The following PHGDH variants were observed in gnomAD, a reference collection of about 807,000 sequenced individuals.
PHGDH encodes the protein D-3-phosphoglycerate dehydrogenase.
Under a neutral mutation model 52.6 loss-of-function variants are expected in PHGDH, and 50 were observed. The ratio of observed to expected loss-of-function variants is 0.95; its 90% CI spans 0.76 to 1.20. The LOEUF is 1.20. PHGDH is among the 50% of genes most tolerant of loss of function. The probability of loss-of-function intolerance (pLI) is 0.00; values close to 1 mark genes in which losing one functional copy is unlikely to be tolerated. For missense variants in PHGDH, 630 were observed against 684.6 expected (o/e 0.92, Z 0.89); for synonymous variants, 271 against 280.5 (o/e 0.97, Z 0.34).
chr1:119,725,439 CA>C (rs1651364065), intron 3 of PHGDH, among the ~76,000 whole-genome samples: 1 of 152,158 alleles, frequency 6.6e-6, no homozygotes, highest in Non-Finnish European at 1.5e-5. Flanking sequence ...CTCACTAGGT[CA>C]AAGGCATTTT....
intron 5 of PHGDH, among the ~76,000 whole-genome samples, chr1:119,734,030 T>C (rs58897837): frequency 6.6e-6 from 1 of 152,292 alleles, no homozygotes; most frequent in African/African-American, 2.4e-5. Context: ...TTAGAGGGCA[T>C]GCAGTCTTGC....
Position 119,737,205 on chromosome 1 carries a change from G to A in PHGDH, c.884G>A (p.Cys295Tyr). ...AGCACCAAGGAGGCTCAGAGCCGCT[G>A]TGGGGAGGAAATTGCTGTTCAGTTC... ...GASTKEAQSR[C>Y]GEEIAVQFVD... Residue 295 changes from cysteine (C) to tyrosine (Y), a missense_variant, in exon 8 of 12, where the codon TGT becomes TAT. By Grantham distance (194) the Cys-to-Tyr change is radical. Coordinates refer to ENST00000641023, the MANE Select transcript of PHGDH (RefSeq NM_006623.4). The A allele has an allele frequency of 2.5e-6, 4 of 1,614,214 alleles. No homozygotes were observed. The highest frequency in any genetic ancestry group is 3.4e-6 in the Non-Finnish European group (4 of 1,180,018).
At chr1:119,726,097 C>T (rs931407881) in intron 3 of PHGDH, among the ~76,000 whole-genome samples, 2 of 151,940 alleles carry the variant, frequency 1.3e-5, no homozygotes, top group African/African-American at 2.4e-5. Context: ...GCCCTAATTG[C>T]CACTTCCTCT....
chr1:119,726,221 TG>T (rs1239573126), intron 3 of PHGDH, among the ~76,000 whole-genome samples: 1 of 145,634 alleles, frequency 6.9e-6, no homozygotes, highest in Non-Finnish European at 1.5e-5. Flanking sequence ...TGTGTGTGTG[TG>T]TGTTGGTGGT....
rs587601541 is a variant in PHGDH at position 119,713,676 on chromosome 1, C to T, written c.138+1516C>T. ...GGTGGCAGGCTCCTCACATCTGTCA[C>T]CTCCTTTCTTGTGTGAAATTGTATC... On this transcript the variant is annotated intron_variant, in intron 1 of 11. Transcript: ENST00000641023. Among the ~76,000 whole-genome samples the T allele has an allele frequency of 2.6e-5, 4 of 152,276 alleles. No homozygotes were observed. In the South Asian group the frequency reaches 8.3e-4, roughly 32 times the overall value.
Position 119,734,660 on chromosome 1 carries a change from C to T in PHGDH, c.537C>T (p.Ser179=). The change falls in exon 6 of 12, where the codon TCC becomes TCT. Residue 179 remains serine (S), a synonymous_variant. Transcript: ENST00000641023. ...CTATAGGGTATGACCCCATCATTTC[C>T]CCAGAGGTCTCGGCCTCCTTTGGTG... ...MKTIGYDPII[S]PEVSASFGVQ... is the part of the protein sequence containing the mutation. 6.2e-7 allele frequency: 1 copy of T among 1,614,118 alleles called. No homozygotes were observed. Among genetic ancestry groups the T allele is most frequent in the Non-Finnish European group, 8.5e-7 (1 of 1,179,964 alleles).
intron 8 of PHGDH, chr1:119,740,114 G>A (rs1652122757): frequency 6.4e-6 from 3 of 470,428 alleles, no homozygotes; most frequent in South Asian, 6.4e-5. Context: ...CTCCCATGGA[G>A]GGGGCTGGGG....
At chr1:119,720,236 A>G (rs1651088302) in intron 1 of PHGDH, 1 of 152,188 alleles carries the variant, frequency 6.6e-6, no homozygotes, top group Non-Finnish European at 1.5e-5. Flanking sequence ...TATAGTGGCT[A>G]TGATGAATTC....
intron 10 of PHGDH, 156 bp from the exon 11 acceptor site, chr1:119,742,651 C>T (rs1163335183): frequency 4.5e-6 from 3 of 672,628 alleles, no homozygotes; most frequent in Non-Finnish European, 8.2e-6. Flanking sequence ...GGGCACACAG[C>T]TTGGCCCATT....
chr1:119,722,957 T>G (rs181799116), intron 2 of PHGDH, among the ~76,000 whole-genome samples: 8 of 151,076 alleles, frequency 5.3e-5, no homozygotes, highest in African/African-American at 1.9e-4. Flanking sequence ...GGCATTGGAC[T>G]GAGCCCTGAA....
At position 119,737,125 on chromosome 1, in the gene PHGDH, G is replaced by A. The variant is rs587719252; in HGVS notation, c.804G>A (p.Arg268=). 95 of 1,614,164 alleles carry A rather than the reference G, an allele frequency of 5.9e-5. 2 individuals are homozygous for A. The South Asian group carries it at 8.7e-4, about 15-fold the overall frequency. ...ALDVFTEEPP[R]DRALVDHENV... is the part of the protein sequence containing the mutation. The stretch of plus-strand genomic sequence containing the variant: ...CTCTTTCTGGGCAGGAGCCGCCACG[G>A]GACCGGGCCTTGGTGGACCATGAGA... The change falls in exon 8 of 12, where the codon CGG becomes CGA. Residue 268 remains arginine, a synonymous_variant. Transcript: ENST00000641023.
chr1:119,719,173 C>G (rs1358182952), intron 1 of PHGDH, among the ~76,000 whole-genome samples: 1 of 152,140 alleles, frequency 6.6e-6, no homozygotes, highest in Non-Finnish European at 1.5e-5. Flanking sequence ...GGCCTCAGCA[C>G]TGGGGCAGTC....
chr1:119,725,594 A>G (rs1168154893), intron 3 of PHGDH, among the ~76,000 whole-genome samples: 1 of 152,166 alleles, frequency 6.6e-6, no homozygotes, highest in African/African-American at 2.4e-5. Flanking sequence ...GTTTACCCAT[A>G]AGATCGTGCG....
chr1:119,727,697 G>C (rs587749258), intron 5 of PHGDH: 2 of 154,892 alleles, frequency 1.3e-5, no homozygotes, highest in South Asian at 2.0e-4. Context: ...AGCCGGGCGT[G>C]GTGGCGGGCG....
At position 119,721,346 on chromosome 1, in the gene PHGDH, T is replaced by C. The variant is rs772534002; in HGVS notation, c.290+25T>C. On this transcript the variant is annotated intron_variant, in intron 2 of 11. Coordinates refer to ENST00000641023, the MANE Select transcript of PHGDH (RefSeq NM_006623.4). ...AGTAAGTCATGGAGGCTGCGGGCGGTTTGGGGGTAGGGGGGTGAGTGCGGA... is the reference window on the plus strand; with the variant it reads ...AGTAAGTCATGGAGGCTGCGGGCGGCTTGGGGGTAGGGGGGTGAGTGCGGA... 20 of 1,609,574 alleles carry C rather than the reference T, an allele frequency of 1.2e-5. No homozygotes were observed. The Admixed American group carries it at 1.8e-4, about 15-fold the overall frequency.
chr1:119,721,665 TC>T (rs1651171213), intron 2 of PHGDH: 1 of 262,478 alleles, frequency 3.8e-6, no homozygotes, highest in Admixed American at 4.9e-5. Context: ...GTCAGTGAGT[TC>T]ATCTGCATTT....
At position 119,734,734 on chromosome 1, in the gene PHGDH, C is replaced by T. The variant is rs1651855723; in HGVS notation, c.611C>T (p.Thr204Ile). The T allele has an allele frequency of 6.2e-7, 1 of 1,614,004 alleles. No homozygotes were observed. The highest frequency in any genetic ancestry group is 1.3e-5 in the African/African-American group (1 of 74,930). ...ATCTGGCCTCTCTGTGATTTCATCA[C>T]TGTGCACACTCCTCTCCTGCCCTCC... ...EEIWPLCDFI[T>I]VHTPLLPSTT... is the part of the protein sequence containing the mutation. Residue 204 changes from threonine to isoleucine, a missense_variant, in exon 6 of 12, where the codon ACT becomes ATT. Thr to Ile is a moderately conservative substitution (Grantham distance 89). Transcript: ENST00000641023.
At chr1:119,731,671 G>A (rs751787630) in intron 5 of PHGDH, among the ~76,000 whole-genome samples, 1 of 152,206 alleles carries the variant, frequency 6.6e-6, no homozygotes, top group Non-Finnish European at 1.5e-5. Flanking sequence ...CTGAGGCCCA[G>A]GAAGGTTCTA....
chr1:119,717,894 G>A (rs1441824669), intron 1 of PHGDH, among the ~76,000 whole-genome samples: 3 of 152,170 alleles, frequency 2.0e-5, no homozygotes, highest in Non-Finnish European at 2.9e-5. Context: ...TTGGGAAAGA[G>A]GGTGAAGGTG....
Sources: allele counts gnomAD v4.1 joint callset (sites outside exome capture counted in the v4.1 genomes callset), GRCh38; gene constraint gnomAD v4.1.1; transcripts MANE v1.5; gene names NCBI Gene and HGNC (gene_info 2026-07-23, HGNC 2026-07-21).